TLK1: variants seen among roughly 807,000 people sequenced by gnomAD.
The protein encoded by TLK1 is tousled like kinase 1.
In TLK1, 24 loss-of-function variants were observed where a neutral mutation model predicts 105.3. That is an observed-to-expected ratio of 0.23 (90% CI 0.17 to 0.32). The LOEUF (loss-of-function observed/expected upper bound fraction) is 0.32. TLK1 is among the 10% of genes least tolerant of loss of function. The probability of loss-of-function intolerance (pLI) is 1.00; values close to 1 mark genes in which losing one functional copy is unlikely to be tolerated. For synonymous variants in TLK1, 321 were observed against 310.4 expected, an observed-to-expected ratio of 1.03 and a Z score of -0.36; for missense variants, 558 against 910.5, an observed-to-expected ratio of 0.61 and a Z score of 4.98.
chr2:171,034,166 A>G (rs2676154), intron 11 of TLK1, among the ~76,000 whole-genome samples: 146,316 of 152,260 alleles, frequency 0.96, 70,587 homozygotes, highest in East Asian at 1. Flanking sequence ...TGTCATGCTG[A>G]TGGGAATGTA....
At chr2:171,106,820 A>G (rs1689950607) in intron 2 of TLK1, among the ~76,000 whole-genome samples, 1 of 152,236 alleles carries the variant, frequency 6.6e-6, no homozygotes, top group Admixed American at 6.5e-5. Flanking sequence ...TACATTCTGT[A>G]GCTTCACCTA....
At chr2:171,205,505 G>A (rs918651899) in intron 1 of TLK1, among the ~76,000 whole-genome samples, 2 of 151,818 alleles carry the variant, frequency 1.3e-5, no homozygotes, top group Non-Finnish European at 2.9e-5. Flanking sequence ...GTATTTTTTT[G>A]TACAAATGAG....
chr2:171,102,343 A>T (rs1197807818), intron 2 of TLK1, among the ~76,000 whole-genome samples: 1 of 152,200 alleles, frequency 6.6e-6, no homozygotes, highest in African/African-American at 2.4e-5. Context: ...CCTTACCTTA[A>T]ATATAATATT....
At chr2:171,195,304 C>T (rs1404238319) in intron 1 of TLK1, among the ~76,000 whole-genome samples, 1 of 151,802 alleles carries the variant, frequency 6.6e-6, no homozygotes, top group African/African-American at 2.4e-5. Context: ...GAGATTGAGA[C>T]CATCCTGGCT....
chr2:170,994,266 A>G (rs1480679594), intron 20 of TLK1, among the ~76,000 whole-genome samples: 1 of 152,176 alleles, frequency 6.6e-6, no homozygotes, highest in Non-Finnish European at 1.5e-5. Context: ...CTTCTGCTAA[A>G]CAGTCCTCCC....
At chr2:171,003,042 A>G (rs1287709001) in intron 18 of TLK1, among the ~76,000 whole-genome samples, 1 of 151,828 alleles carries the variant, frequency 6.6e-6, no homozygotes, top group African/African-American at 2.4e-5. Flanking sequence ...TGGGAGGCCG[A>G]GGCGGGTGGA....
chr2:171,151,498 G>A (rs570036782), intron 1 of TLK1, among the ~76,000 whole-genome samples: 19 of 133,930 alleles, frequency 1.4e-4, no homozygotes, highest in Non-Finnish European at 2.0e-4. Flanking sequence ...TTTTTGAGAC[G>A]GAGTCTTGCT....
chr2:171,066,452 T>TA (rs1687996328), intron 3 of TLK1, among the ~76,000 whole-genome samples: 1 of 152,220 alleles, frequency 6.6e-6, no homozygotes, highest in South Asian at 2.1e-4. Flanking sequence ...CAGGTATACT[T>TA]AAAGTATGCC....
At chr2:171,150,788 C>T (rs1691999058) in intron 1 of TLK1, among the ~76,000 whole-genome samples, 1 of 152,204 alleles carries the variant, frequency 6.6e-6, no homozygotes, top group East Asian at 1.9e-4. Context: ...CCTCCACATA[C>T]AATACCCAGT....
rs952734799 is a variant in TLK1, at chr2:170,991,743, C to A, written c.*2037G>T. The A allele has an allele frequency of 6.6e-6, 1 of 152,214 alleles. No homozygotes were observed. The highest frequency in any genetic ancestry group is 2.1e-4 in the South Asian group (1 of 4,830). The allele number at this position is 152,214 out of a possible 1,614,324, so 9.4% of individuals were successfully genotyped here. A position where few individuals can be genotyped will look rare whatever the true frequency, so the allele number is the denominator to read the frequency against. ...TCGTATCTCCCCAAAATTTTAAGCA[C>A]AACAGGCATTTCCTTTTAGTTCAGG... On this transcript the variant is annotated 3_prime_UTR_variant, in exon 21 of 21. Transcript: ENST00000431350.
intron 2 of TLK1, among the ~76,000 whole-genome samples, chr2:171,100,652 T>C (rs1189976055): frequency 6.6e-6 from 1 of 152,140 alleles, no homozygotes; most frequent in Non-Finnish European, 1.5e-5. Context: ...GAATACAGGC[T>C]ATAATTTAAA....
intron 14 of TLK1, among the ~76,000 whole-genome samples, chr2:171,010,854 T>C (rs1199902746): frequency 2.0e-5 from 3 of 152,184 alleles, no homozygotes; most frequent in South Asian, 2.1e-4. Flanking sequence ...ACTCTTTGTA[T>C]TGGACTGGTT....
chr2:171,092,736 C>G (rs1178211744), intron 2 of TLK1, among the ~76,000 whole-genome samples: 1 of 152,092 alleles, frequency 6.6e-6, no homozygotes, highest in East Asian at 1.9e-4. Flanking sequence ...AGACTAAAAG[C>G]ATCTGAGGGC....
chr2:171,195,961 C>T (rs1016315284), intron 1 of TLK1, among the ~76,000 whole-genome samples: 9 of 147,644 alleles, frequency 6.1e-5, no homozygotes, highest in African/African-American at 2.3e-4. Flanking sequence ...TCACTTGAAC[C>T]TGGAAGGTGG....
At chr2:171,127,081 G>T (rs146632670) in intron 1 of TLK1, among the ~76,000 whole-genome samples, 2 of 152,006 alleles carry the variant, frequency 1.3e-5, no homozygotes, top group African/African-American at 4.8e-5. Flanking sequence ...ATCAAGACCA[G>T]CCTGGTAAAC....
chr2:171,138,962 A>G (rs1691457427), intron 1 of TLK1, among the ~76,000 whole-genome samples: 1 of 152,206 alleles, frequency 6.6e-6, no homozygotes, highest in South Asian at 2.1e-4. Context: ...GAAATTTTCC[A>G]AAGGCATAAA....
chr2:171,179,223 G>T (rs1030378519), intron 1 of TLK1, among the ~76,000 whole-genome samples: 9 of 152,296 alleles, frequency 5.9e-5, no homozygotes, highest in Admixed American at 3.3e-4. Context: ...TAGTTGTAAT[G>T]AGTCATCCCT....
intron 1 of TLK1, among the ~76,000 whole-genome samples, chr2:171,203,326 T>C (rs1558990072): frequency 6.6e-6 from 1 of 152,186 alleles, no homozygotes; most frequent in Non-Finnish European, 1.5e-5. Flanking sequence ...TAAAACTCTA[T>C]ACTCATTAAA....
At chr2:171,221,277 T>C (rs1365868903) in intron 1 of TLK1, among the ~76,000 whole-genome samples, 1 of 152,184 alleles carries the variant, frequency 6.6e-6, no homozygotes, top group Non-Finnish European at 1.5e-5. Context: ...TCTGGGGAAC[T>C]ACCCTGAAAG....
Sources: gnomAD v4.1 joint callset for allele counts (sites outside exome capture counted in the v4.1 genomes callset) on GRCh38, gnomAD v4.1.1 for gene constraint, MANE v1.5 for transcripts, NCBI Gene and HGNC (gene_info 2026-07-23, HGNC 2026-07-21) for gene names.